DMXL1: variants seen among roughly 807,000 people sequenced by gnomAD.
The protein encoded by DMXL1 is Dmx like 1.
In DMXL1, 99 loss-of-function variants were observed where a neutral mutation model predicts 319.2. That is an observed-to-expected ratio of 0.31 (90% CI 0.26 to 0.37). The LOEUF (loss-of-function observed/expected upper bound fraction) is 0.37, where lower values mean the gene tolerates loss of function less well. Among genes scored for constraint, DMXL1 ranks in the 10% least tolerant of loss-of-function variants. The pLI, the probability that DMXL1 is intolerant of heterozygous loss-of-function variation, is 1.00. For synonymous variants in DMXL1, 1,385 were observed against 1,235.2 expected (o/e 1.12, Z -2.54); for missense variants, 3,745 against 3,595.6 (o/e 1.04, Z -1.06).
chr5:119,112,722 C>T lies in DMXL1; in HGVS notation c.498-1753C>T, dbSNP rs1016218369. ...CTGTAATCTGAACACTTTGGGAGGC[C>T]GAGGTGGGTGGATCACCTGAGGTCG... On this transcript the variant is annotated intron_variant, in intron 5 of 43. Transcript: ENST00000539542. Among the ~76,000 whole-genome samples, 7 of 152,122 alleles carry T rather than the reference C, an allele frequency of 4.6e-5. No individual in the cohort carries two copies. In the South Asian group the frequency reaches 1.3e-3, roughly 27 times the overall value.
chr5:119,166,659 T>A lies in DMXL1; in HGVS notation c.5014T>A (p.Phe1672Ile). 1 of 1,611,056 alleles carries A rather than the reference T, an allele frequency of 6.2e-7. No homozygotes were observed. The highest frequency in any genetic ancestry group is 2.2e-5 in the East Asian group (1 of 44,564). The change falls in exon 22 of 44, where the codon TTT becomes ATT. Residue 1672 changes from phenylalanine (F) to isoleucine (I), a missense_variant. This residue lies in a region of DMXL1 where 2,096 missense variants were observed against 1,985.4 expected (regional missense o/e 1.06). Transcript: ENST00000539542. ...GATGACACAGTTTTTTGGACACAAT[T>A]TTGAGGATGAGAGGTGGCGTAAAGC... ...TRMTQFFGHN[F>I]EDERWRKAAL...
At chr5:119,187,644 C>T (rs930866215) in intron 28 of DMXL1, among the ~76,000 whole-genome samples, 1 of 152,044 alleles carries the variant, frequency 6.6e-6, no homozygotes, top group Non-Finnish European at 1.5e-5. Context: ...TTTGGTCCTG[C>T]TTCATTAAAA....
At chr5:119,144,099 A>G (rs1768004918) in intron 14 of DMXL1, among the ~76,000 whole-genome samples, 169 bp downstream of exon 14, 1 of 151,860 alleles carries the variant, frequency 6.6e-6, no homozygotes, top group South Asian at 2.1e-4. Flanking sequence ...TTTACTTCCT[A>G]GACTTCAAAC....
chr5:119,103,734 G>C (rs1017334848), intron 3 of DMXL1, among the ~76,000 whole-genome samples: 1 of 152,002 alleles, frequency 6.6e-6, no homozygotes, highest in Non-Finnish European at 1.5e-5. Context: ...TTTTTAAGGC[G>C]ATTACCCCAC....
chr5:119,085,315 G>GAGT (rs1753117177), intron 1 of DMXL1, among the ~76,000 whole-genome samples: 1 of 151,764 alleles, frequency 6.6e-6, no homozygotes, highest in African/African-American at 2.4e-5. Context: ...CTGGGCAACA[G>GAGT]AGTGAGACTT....
intron 34 of DMXL1, among the ~76,000 whole-genome samples, chr5:119,208,990 C>T (rs1782263533): frequency 6.6e-6 from 1 of 152,086 alleles, no homozygotes; most frequent in Admixed American, 6.5e-5. Flanking sequence ...AGTCTGTGTC[C>T]ATTGACTTAG....
intron 9 of DMXL1, among the ~76,000 whole-genome samples, chr5:119,122,814 T>A (rs1211974034): frequency 1.4e-5 from 2 of 147,624 alleles, no homozygotes; most frequent in Non-Finnish European, 3.0e-5. Context: ...CTCCTCACTT[T>A]CCAGACTGGG....
At chr5:119,239,831 C>T (rs1159176406) in intron 41 of DMXL1, among the ~76,000 whole-genome samples, 1 of 151,552 alleles carries the variant, frequency 6.6e-6, no homozygotes, top group Non-Finnish European at 1.5e-5. Context: ...GTGGCAGGTG[C>T]CTGTAATCCC....
At chr5:119,124,402 G>C (rs907588847) in intron 9 of DMXL1, among the ~76,000 whole-genome samples, 12 of 151,988 alleles carry the variant, frequency 7.9e-5, no homozygotes, top group African/African-American at 2.9e-4. Flanking sequence ...CCTTGAGCGT[G>C]AGAAGGGAAC....
At chr5:119,081,489 A>G in intron 1 of DMXL1, 1 of 823,706 alleles carries the variant, frequency 1.2e-6, no homozygotes, top group Non-Finnish European at 1.5e-6. Context: ...ACTGCTTGAG[A>G]ACATACTTTG....
intron 4 of DMXL1, among the ~76,000 whole-genome samples, chr5:119,107,649 A>G (rs940656291): frequency 1.3e-5 from 2 of 152,310 alleles, no homozygotes; most frequent in Non-Finnish European, 2.9e-5. Flanking sequence ...TATATTCTGT[A>G]TTAAATTCTT....
rs111342324 is a variant in DMXL1 at position 119,088,310 on chromosome 5, C to T, written c.88-9669C>T. 3.1e-3 allele frequency among the ~76,000 whole-genome samples: 466 copies of T among 152,210 alleles called. 3 individuals are homozygous for T. The highest frequency in any genetic ancestry group is 0.01 in the African/African-American group (433 of 41,548). On this transcript the variant is annotated intron_variant, in intron 1 of 43. Transcript: ENST00000539542. ...TTCAGTTGCATGGAATATCTTCTTC[C>T]ACCCCTTTACTTTCAGTCTGTGTAT...
chr5:119,091,202 CATTT>C (rs562386773), intron 1 of DMXL1, among the ~76,000 whole-genome samples: 10 of 151,540 alleles, frequency 6.6e-5, no homozygotes, highest in African/African-American at 2.4e-4. Flanking sequence ...CTGTTTGCTG[CATTT>C]ATTTATTTAT....
intron 38 of DMXL1, among the ~76,000 whole-genome samples, chr5:119,231,811 T>C (rs1786786901): frequency 6.6e-6 from 1 of 152,226 alleles, no homozygotes; most frequent in Non-Finnish European, 1.5e-5. Context: ...TGGGGGTTTC[T>C]AATTGATAAG....
chr5:119,182,604 T>C (rs1776975756), intron 28 of DMXL1, among the ~76,000 whole-genome samples: 1 of 151,644 alleles, frequency 6.6e-6, no homozygotes, highest in Admixed American at 6.6e-5. Context: ...ATTCTTGTAG[T>C]AACATAATAT....
chr5:119,151,328 A>G (rs1008584220), intron 18 of DMXL1, among the ~76,000 whole-genome samples: 63 of 152,300 alleles, frequency 4.1e-4, no homozygotes, highest in African/African-American at 1.5e-3. Flanking sequence ...TATATACGTC[A>G]GTATCCCTTT....
intron 2 of DMXL1, among the ~76,000 whole-genome samples, chr5:119,098,366 T>C (rs1756459421): frequency 6.6e-6 from 1 of 152,152 alleles, no homozygotes; most frequent in Non-Finnish European, 1.5e-5. Flanking sequence ...AGCTTACGTA[T>C]TTAAAAGGTG....
chr5:119,229,809 T>A (rs1201643322), intron 38 of DMXL1, among the ~76,000 whole-genome samples: 1 of 152,220 alleles, frequency 6.6e-6, no homozygotes, highest in East Asian at 1.9e-4. Flanking sequence ...ACCAGCATTC[T>A]ATAGAGTAGC....
Position 119,149,378 on chromosome 5 carries a change from C to G in DMXL1, c.3551C>G (p.Pro1184Arg). 1 of 1,613,906 alleles carries G rather than the reference C, an allele frequency of 6.2e-7. No individual in the cohort carries two copies. The highest frequency in any genetic ancestry group is 8.5e-7 in the Non-Finnish European group (1 of 1,179,876). ...ACTGGTAAGGAAACCCTGGCATTTC[C>G]TCTCTGGGAGAGTACCAAAGTTGTG... The part of the protein sequence containing the change: ...DQTGKETLAF[P>R]LWESTKVVPL... Residue 1184 changes from proline to arginine, a missense_variant, in exon 18 of 44, where the codon CCT (proline) becomes CGT (arginine). Pro to Arg is a moderately radical substitution (Grantham distance 103, BLOSUM62 -2). Transcript: ENST00000539542.
Sources: allele counts gnomAD v4.1 joint callset (sites outside exome capture counted in the v4.1 genomes callset), GRCh38; gene constraint gnomAD v4.1.1; regional missense constraint gnomAD v4.1.1; transcripts MANE v1.5; gene names NCBI Gene and HGNC (gene_info 2026-07-23, HGNC 2026-07-21).